The following CCDC149 variants were observed in gnomAD, a reference collection of about 807,000 sequenced individuals.
CCDC149 encodes coiled-coil domain containing 149, also known as coiled-coil domain-containing protein 149.
CCDC149 carries 45 observed loss-of-function variants against 59.9 expected under a neutral mutation model. The observed-to-expected ratio is 0.75, with a 90% CI of 0.59 to 0.96. CCDC149 has a LOEUF of 0.96. Among genes scored for constraint, CCDC149 ranks in the 40% least tolerant of loss-of-function variants. CCDC149 has a pLI of 0.00. For synonymous variants in CCDC149, 245 were observed against 260.6 expected, an observed-to-expected ratio of 0.94 and a Z score of 0.58; for missense variants, 584 against 664.7, an observed-to-expected ratio of 0.88 and a Z score of 1.33.
chr4:24,956,647 C>G (rs1375917651), intron 1 of CCDC149, among the ~76,000 whole-genome samples: 1 of 152,144 alleles, frequency 6.6e-6, no homozygotes, highest in African/African-American at 2.4e-5. Flanking sequence ...GAAATAAACC[C>G]TACGAAGGAT....
chr4:24,831,267 G>C, intron 9 of CCDC149: 1 of 495,106 alleles, frequency 2.0e-6, no homozygotes, highest in Non-Finnish European at 3.6e-6. Flanking sequence ...ACTACTCAGT[G>C]TGTAGCTCAG....
chr4:24,806,002 A>AGT (rs914712224), downstream of CCDC149: 1 of 152,220 alleles, frequency 6.6e-6, no homozygotes, highest in Non-Finnish European at 1.5e-5. Flanking sequence ...GTTTCTGTTA[A>AGT]GTGTGGCTTG....
chr4:24,809,561 C>A (rs1333738891), intron 12 of CCDC149, among the ~76,000 whole-genome samples: 2 of 152,210 alleles, frequency 1.3e-5, no homozygotes, highest in Non-Finnish European at 2.9e-5. Flanking sequence ...GCAATGCTTG[C>A]TCTGCATGAG....
chr4:24,887,879 C>T (rs1422088948), intron 1 of CCDC149, among the ~76,000 whole-genome samples: 3 of 151,928 alleles, frequency 2.0e-5, no homozygotes, highest in Non-Finnish European at 4.4e-5. Flanking sequence ...TGCAACCCAC[C>T]TCTCCAACTT....
chr4:24,895,538 T>G (rs1349566937), intron 1 of CCDC149, among the ~76,000 whole-genome samples: 1 of 152,194 alleles, frequency 6.6e-6, no homozygotes, highest in Non-Finnish European at 1.5e-5. Flanking sequence ...GTGTTTAAAG[T>G]TAAAATCCAC....
intron 9 of CCDC149, chr4:24,830,855 A>T (rs1716098274): frequency 6.6e-6 from 1 of 152,260 alleles, no homozygotes; most frequent in Admixed American, 6.5e-5. Context: ...CCACAAAGCC[A>T]ACCCCATGTG....
At chr4:24,830,468 C>T (rs1385267073) in intron 9 of CCDC149, 1 of 152,350 alleles carries the variant, frequency 6.6e-6, no homozygotes, top group Non-Finnish European at 1.5e-5. Flanking sequence ...CCGCTTTCTT[C>T]CACATACATC....
intron 1 of CCDC149, among the ~76,000 whole-genome samples, chr4:24,956,851 T>C (rs4697504): frequency 0.73 from 110,514 of 152,230 alleles, 40,418 homozygotes; most frequent in Non-Finnish European, 0.76. Context: ...CTTGAGAAAG[T>C]GTATACAATC....
chr4:24,949,406 A>C (rs1723209579), intron 1 of CCDC149, among the ~76,000 whole-genome samples: 1 of 139,410 alleles, frequency 7.2e-6, no homozygotes, highest in East Asian at 2.5e-4. Context: ...GATTCCTTCC[A>C]AATTGTCAGC....
intron 1 of CCDC149, among the ~76,000 whole-genome samples, chr4:24,944,569 AAAAT>A (rs1198684935): frequency 3.3e-5 from 5 of 151,888 alleles, no homozygotes; most frequent in African/African-American, 1.2e-4. Flanking sequence ...AAAGACTTAA[AAAAT>A]AAATAAATAA....
At chr4:24,833,774 A>G (rs1577392807) in intron 8 of CCDC149, among the ~76,000 whole-genome samples, 2 of 152,350 alleles carry the variant, frequency 1.3e-5, no homozygotes, top group East Asian at 1.9e-4. Context: ...ATGTTTGCAT[A>G]TGTCTGTAAT....
rs1419277925 is a variant in CCDC149, at chr4:24,852,284, CCATACACACA to C, written c.372+778_372+787del. Among the ~76,000 whole-genome samples, 508 of 109,358 alleles carry C rather than the reference CCATACACACA, an allele frequency of 4.6e-3. 1 individual carries two copies. The highest frequency in any genetic ancestry group is 0.025 in the Middle Eastern group (5 of 200). 71.7% of individuals were successfully genotyped at this position (109,358 alleles called of 152,430 possible). A position where few individuals can be genotyped will look rare whatever the true frequency, so the allele number is the denominator to read the frequency against. ...CCAAGAACTGCTCCCCTCCAACACA[CCATACACACA>C]CACACACACACACACACACACACAC... On this transcript the variant is annotated intron_variant, in intron 4 of 12. Coordinates refer to ENST00000635206, the MANE Select transcript of CCDC149 (RefSeq NM_001330643.2).
Position 24,831,616 on chromosome 4 carries a change from G to T in CCDC149, c.855C>A (p.Ser285Arg), listed in dbSNP as rs750497151. Residue 285 changes from serine to arginine, a missense_variant, in exon 9 of 13, where the codon AGC becomes AGA. Coordinates refer to ENST00000635206, the MANE Select transcript of CCDC149 (RefSeq NM_001330643.2). Reference sequence around the variant, plus strand: ...AAATGGACTGCGGAGTAGCTGGGAGGCTGCATCCATGATCCTCAGATAGCA... The same window carrying T: ...AAATGGACTGCGGAGTAGCTGGGAGTCTGCATCCATGATCCTCAGATAGCA... 5.0e-6 allele frequency: 8 copies of T among 1,613,872 alleles called. No individual in the cohort carries two copies. The highest frequency in any genetic ancestry group is 6.8e-6 in the Non-Finnish European group (8 of 1,179,958).
At chr4:24,850,028 T>C (rs1185564054) in intron 4 of CCDC149, among the ~76,000 whole-genome samples, 1 of 152,178 alleles carries the variant, frequency 6.6e-6, no homozygotes, top group Non-Finnish European at 1.5e-5. Context: ...GTTGGGACAG[T>C]TTGCTTTTCT....
At chr4:24,879,640 A>G in intron 1 of CCDC149, among the ~76,000 whole-genome samples, 1 of 151,438 alleles carries the variant, frequency 6.6e-6, no homozygotes, top group Non-Finnish European at 1.5e-5. Flanking sequence ...AGCCAAGATC[A>G]TGCCACTGCA....
intron 9 of CCDC149, among the ~76,000 whole-genome samples, chr4:24,826,504 G>T (rs1484460240): frequency 6.6e-6 from 1 of 152,138 alleles, no homozygotes; most frequent in Non-Finnish European, 1.5e-5. Context: ...CAGACACAAC[G>T]GATGCAGGAA....
At chr4:24,974,865 T>G (rs1368744068) in intron 1 of CCDC149, among the ~76,000 whole-genome samples, 22 of 137,522 alleles carry the variant, frequency 1.6e-4, no homozygotes, top group Admixed American at 2.2e-4. Context: ...GGAGAGGGAG[T>G]GAAAGAGGGG....
intron 9 of CCDC149, chr4:24,829,654 G>A (rs939196985): frequency 6.6e-6 from 1 of 152,314 alleles, no homozygotes; most frequent in Non-Finnish European, 1.5e-5. Context: ...AAGAGGTCTT[G>A]GGAGGCATTA....
At chr4:24,870,476 C>T (rs1008446056) in intron 3 of CCDC149, among the ~76,000 whole-genome samples, 2 of 152,214 alleles carry the variant, frequency 1.3e-5, no homozygotes, top group Non-Finnish European at 2.9e-5. Context: ...CTGGTTCCAA[C>T]CCAGGCAGGG....
Sources: gnomAD v4.1 joint callset for allele counts (sites outside exome capture counted in the v4.1 genomes callset) on GRCh38, gnomAD v4.1.1 for gene constraint, MANE v1.5 for transcripts, NCBI Gene and HGNC (gene_info 2026-07-23, HGNC 2026-07-21) for gene names.